ANO6: variants seen among roughly 807,000 people sequenced by gnomAD.
ANO6 encodes the protein anoctamin 6.
In ANO6, 106 loss-of-function variants were observed where a neutral mutation model predicts 117.5. The observed-to-expected ratio is 0.90, with a 90% CI of 0.77 to 1.06. ANO6 has a LOEUF of 1.06. Among genes scored for constraint, ANO6 ranks in the 50% least tolerant of loss-of-function variants. ANO6 has a pLI of 0.00. For synonymous variants in ANO6, 367 were observed against 385.1 expected (o/e 0.95, Z 0.55); for missense variants, 955 against 1,121.1 (o/e 0.85, Z 2.12).
intron 1 of ANO6, among the ~76,000 whole-genome samples, chr12:45,272,770 G>C (rs1033011433): frequency 6.6e-6 from 1 of 152,236 alleles, no homozygotes; most frequent in East Asian, 1.9e-4. Context: ...ATCAAAAATA[G>C]AACTACCACA....
chr12:45,373,823 C>A (rs1941919949), intron 9 of ANO6, among the ~76,000 whole-genome samples: 1 of 152,022 alleles, frequency 6.6e-6, no homozygotes, highest in Non-Finnish European at 1.5e-5. Context: ...AGAGCAAACA[C>A]ATTCAAAAGC....
rs140415450 is a variant in ANO6 at position 45,350,718 on chromosome 12, C to T, written c.807C>T (p.Tyr269=). 2.2e-5 allele frequency: 36 copies of T among 1,613,726 alleles called. No homozygotes were observed. The African/African-American group carries it at 4.5e-4, about 20-fold the overall frequency. Residue 269 remains tyrosine (Y), a synonymous_variant, in exon 7 of 20, where the codon TAC becomes TAT. Coordinates refer to ENST00000320560, the MANE Select transcript of ANO6 (RefSeq NM_001025356.3). ...PSCPNERYLL[Y]REWAHPRSIY... is the part of the protein sequence containing the mutation. ...GCCCTAATGAACGGTACCTTCTGTACAGAGAATGGGCTCATCCTCGAAGCA... is the reference window on the plus strand; with the variant it reads ...GCCCTAATGAACGGTACCTTCTGTATAGAGAATGGGCTCATCCTCGAAGCA...
chr12:45,274,653 C>G (rs1938492127), intron 1 of ANO6, among the ~76,000 whole-genome samples: 1 of 151,742 alleles, frequency 6.6e-6, no homozygotes. Context: ...TCTCTACAAA[C>G]AGTATAAAAT....
chr12:45,271,097 C>G (rs1477501095), intron 1 of ANO6, among the ~76,000 whole-genome samples: 3 of 152,168 alleles, frequency 2.0e-5, no homozygotes, highest in Admixed American at 1.3e-4. Context: ...ACTTCCCACC[C>G]TGCCTTCCAG....
At chr12:45,427,779 C>T (rs1169405833) in intron 19 of ANO6, among the ~76,000 whole-genome samples, 1 of 146,952 alleles carries the variant, frequency 6.8e-6, no homozygotes, top group African/African-American at 2.5e-5. Context: ...GGCAACATGG[C>T]AAAACCCAAA....
At chr12:45,333,654 C>A (rs2137408317) in intron 3 of ANO6, among the ~76,000 whole-genome samples, 1 of 152,048 alleles carries the variant, frequency 6.6e-6, no homozygotes, top group South Asian at 2.1e-4. Context: ...CCTTGATGTT[C>A]ATTTTTATAA....
chr12:45,299,506 C>G (rs1939409808), intron 1 of ANO6, among the ~76,000 whole-genome samples: 2 of 152,252 alleles, frequency 1.3e-5, no homozygotes, highest in Admixed American at 1.3e-4. Context: ...CTTTTCAATT[C>G]ATAAGTATAC....
chr12:45,438,412 T>C (rs895360278), intron 19 of ANO6, among the ~76,000 whole-genome samples: 1 of 152,020 alleles, frequency 6.6e-6, no homozygotes, highest in Non-Finnish European at 1.5e-5. Flanking sequence ...AAATCTGAAA[T>C]CCAAAATGCT....
At chr12:45,283,879 T>A (rs77116082) in intron 1 of ANO6, among the ~76,000 whole-genome samples, 2,646 of 152,316 alleles carry the variant, frequency 0.017, 57 homozygotes, top group East Asian at 0.085. Flanking sequence ...AACAACCTCT[T>A]AGATTGTCTC....
chr12:45,371,158 T>TA (rs921102583), intron 9 of ANO6, among the ~76,000 whole-genome samples: 2 of 152,128 alleles, frequency 1.3e-5, no homozygotes, highest in African/African-American at 2.4e-5. Flanking sequence ...CTGACGGGCT[T>TA]AAAAAACGGC....
intron 1 of ANO6, among the ~76,000 whole-genome samples, chr12:45,220,783 G>T (rs1296295641): frequency 6.6e-6 from 1 of 152,174 alleles, no homozygotes; most frequent in Non-Finnish European, 1.5e-5. Flanking sequence ...CTGGTCACTG[G>T]AAAGACCAAG....
At chr12:45,224,438 T>C (rs1947451524) in intron 1 of ANO6, among the ~76,000 whole-genome samples, 1 of 152,206 alleles carries the variant, frequency 6.6e-6, no homozygotes, top group Non-Finnish European at 1.5e-5. Flanking sequence ...TGTGTGTGTG[T>C]GTCTGTATGC....
At chr12:45,255,103 C>A (rs1565647765) in intron 1 of ANO6, among the ~76,000 whole-genome samples, 1 of 152,154 alleles carries the variant, frequency 6.6e-6, no homozygotes, top group Non-Finnish European at 1.5e-5. Flanking sequence ...TTTCTGTTTA[C>A]TAGAATGTTC....
At chr12:45,361,180 A>T (rs917623831) in intron 8 of ANO6, among the ~76,000 whole-genome samples, 1 of 150,822 alleles carries the variant, frequency 6.6e-6, no homozygotes, top group African/African-American at 2.5e-5. Context: ...TGAACACAGG[A>T]TGTCTTTTCA....
chr12:45,270,503 A>C, intron 1 of ANO6: 2 of 1,321,946 alleles, frequency 1.5e-6, no homozygotes, highest in Non-Finnish European at 2.1e-6. Context: ...GACTCCTCAT[A>C]CTCACCTCCC....
At position 45,347,073 on chromosome 12, in the gene ANO6, G is replaced by A; in HGVS notation, c.331G>A (p.Glu111Lys). The change falls in exon 4 of 20, where the codon GAA becomes AAA. Residue 111 changes from glutamate to lysine, a missense_variant. Coordinates refer to ENST00000320560, the MANE Select transcript of ANO6 (RefSeq NM_001025356.3). ...SNLICHGLQL[E>K]ATRSVLDDKL... ...CCTTATCTGTCATGGCCTGCAGTTA[G>A]AAGCAACAAGATCAGTAAGTACTGG... is the stretch of plus-strand genomic sequence containing the variant. The A allele has an allele frequency of 6.2e-7, 1 of 1,614,018 alleles. No individual in the cohort carries two copies. Among genetic ancestry groups the A allele is most frequent in the African/African-American group, 1.3e-5 (1 of 75,028 alleles).
chr12:45,400,816 T>A (rs139999757), intron 12 of ANO6, among the ~76,000 whole-genome samples: 1 of 152,320 alleles, frequency 6.6e-6, no homozygotes, highest in East Asian at 1.9e-4. Flanking sequence ...TGGTCCTCAG[T>A]TTCCCTTCTC....
At chr12:45,381,003 CT>C (rs1483605195) in intron 10 of ANO6, among the ~76,000 whole-genome samples, 1 of 152,092 alleles carries the variant, frequency 6.6e-6, no homozygotes, top group Non-Finnish European at 1.5e-5. Context: ...GGAAGTTAAT[CT>C]AACTTCTCTG....
chr12:45,377,136 T>C (rs546273150), intron 9 of ANO6, among the ~76,000 whole-genome samples: 29 of 151,090 alleles, frequency 1.9e-4, no homozygotes, highest in African/African-American at 6.3e-4. Context: ...TTTCAGCATT[T>C]GAAAAGGTTT....
Sources: allele counts gnomAD v4.1 joint callset (sites outside exome capture counted in the v4.1 genomes callset), GRCh38; gene constraint gnomAD v4.1.1; transcripts MANE v1.5; gene names NCBI Gene and HGNC (gene_info 2026-07-23, HGNC 2026-07-21).